Variants in PAK5 observed in about 807,000 individuals in gnomAD.
PAK5 encodes serine/threonine-protein kinase PAK 5.
Under a neutral mutation model 65.9 loss-of-function variants are expected in PAK5, and 16 were observed. That is an observed-to-expected ratio of 0.24 (90% CI 0.16 to 0.37). PAK5 has a LOEUF of 0.37. PAK5 is among the 10% of genes least tolerant of loss of function. The pLI, the probability that PAK5 is intolerant of heterozygous loss-of-function variation, is 1.00. For missense variants in PAK5, 785 were observed against 903.9 expected, an observed-to-expected ratio of 0.87 and a Z score of 1.69; for synonymous variants, 371 against 354.9, an observed-to-expected ratio of 1.05 and a Z score of -0.51.
intron 3 of PAK5, among the ~76,000 whole-genome samples, chr20:9,589,397 A>G (rs1409009941): frequency 6.6e-6 from 1 of 152,234 alleles, no homozygotes; most frequent in African/African-American, 2.4e-5. Context: ...TAATATCATT[A>G]GATATTTTCA....
chr20:9,809,335 ATT>A (rs3061945), intron 1 of PAK5, among the ~76,000 whole-genome samples: 5 of 135,300 alleles, frequency 3.7e-5, no homozygotes, highest in Admixed American at 7.5e-5. Flanking sequence ...GGCAATCCAA[ATT>A]TTTTTTTTTT....
intron 3 of PAK5, among the ~76,000 whole-genome samples, chr20:9,619,647 A>C (rs558951823): frequency 6.6e-6 from 1 of 152,214 alleles, no homozygotes; most frequent in South Asian, 2.1e-4. Context: ...CACATTTCCA[A>C]GTCTTGCCCT....
chr20:9,565,490 C>T (rs2045660604), intron 5 of PAK5, among the ~76,000 whole-genome samples: 1 of 152,106 alleles, frequency 6.6e-6, no homozygotes, highest in Non-Finnish European at 1.5e-5. Context: ...TATATACATA[C>T]TCATGTAGAT....
intron 2 of PAK5, among the ~76,000 whole-genome samples, chr20:9,663,313 G>C (rs956084851): frequency 4.6e-5 from 7 of 152,058 alleles, no homozygotes; most frequent in African/African-American, 1.7e-4. Flanking sequence ...ATAACATCGA[G>C]GAAGGAAATA....
At chr20:9,795,746 A>C (rs1023482073) in intron 1 of PAK5, among the ~76,000 whole-genome samples, 24 of 152,114 alleles carry the variant, frequency 1.6e-4, no homozygotes, top group African/African-American at 5.5e-4. Flanking sequence ...AAATAAAATA[A>C]ATTCTTGTCA....
chr20:9,579,999 A>C (rs2045948918), intron 4 of PAK5, 146 bp downstream of exon 4: 1 of 628,678 alleles, frequency 1.6e-6, no homozygotes, highest in Non-Finnish European at 2.7e-6. Flanking sequence ...GGGGCCTCAC[A>C]AGTGGAGATA....
At chr20:9,693,966 T>G (rs1454216816) in intron 2 of PAK5, among the ~76,000 whole-genome samples, 1 of 151,974 alleles carries the variant, frequency 6.6e-6, no homozygotes, top group Non-Finnish European at 1.5e-5. Flanking sequence ...TCATGGTCTA[T>G]AGAACCTGCC....
At chr20:9,649,655 A>G (rs902435958) in intron 2 of PAK5, among the ~76,000 whole-genome samples, 8 of 152,182 alleles carry the variant, frequency 5.3e-5, no homozygotes, top group Admixed American at 4.6e-4. Context: ...GAACAGGCAT[A>G]GGGAGTAGGG....
chr20:9,778,341 G>A (rs2048907048), intron 1 of PAK5, among the ~76,000 whole-genome samples: 1 of 152,130 alleles, frequency 6.6e-6, no homozygotes, highest in South Asian at 2.1e-4. Flanking sequence ...GGGCTCAAGT[G>A]ATTCTCTCAC....
intron 9 of PAK5, among the ~76,000 whole-genome samples, chr20:9,540,298 T>C (rs1424226751): frequency 1.3e-5 from 2 of 152,144 alleles, no homozygotes; most frequent in African/African-American, 2.4e-5. Context: ...CATTTACCCC[T>C]ATTTACTTTC....
At chr20:9,579,063 T>C (rs963362164) in intron 4 of PAK5, among the ~76,000 whole-genome samples, 2 of 152,190 alleles carry the variant, frequency 1.3e-5, no homozygotes, top group Non-Finnish European at 2.9e-5. Flanking sequence ...ATGAGGTTAA[T>C]GAGAAATAAG....
At chr20:9,656,028 G>A (rs1158470280) in intron 2 of PAK5, among the ~76,000 whole-genome samples, 4 of 152,110 alleles carry the variant, frequency 2.6e-5, no homozygotes, top group Admixed American at 1.3e-4. Context: ...GGCATTGGAG[G>A]TTAGGATTTC....
Position 9,779,209 on chromosome 20 carries a change from A to G in PAK5, c.-162+59553T>C, listed in dbSNP as rs191815495. Among the ~76,000 whole-genome samples the G allele has an allele frequency of 6.6e-5, 10 of 152,156 alleles. No individual in the cohort carries two copies. In the East Asian group the frequency reaches 1.9e-3, roughly 29 times the overall value. On this transcript the variant is annotated intron_variant, in intron 1 of 9. Coordinates refer to ENST00000353224, the MANE Select transcript of PAK5 (RefSeq NM_177990.4). ...AAAGGAAACCTCTTCTTTTTAGAGT[A>G]TTAAATATTTATTGACTATGTATCT...
chr20:9,827,389 T>A (rs888535972), intron 1 of PAK5, among the ~76,000 whole-genome samples: 1 of 152,204 alleles, frequency 6.6e-6, no homozygotes, highest in Non-Finnish European at 1.5e-5. Flanking sequence ...TTTTCACATT[T>A]GCATTCAAAT....
At chr20:9,720,957 T>C (rs75701335) in intron 1 of PAK5, among the ~76,000 whole-genome samples, 3,831 of 151,482 alleles carry the variant, frequency 0.025, 174 homozygotes, top group African/African-American at 0.088. Flanking sequence ...AACAGGAAAA[T>C]GAGGAGTAAC....
chr20:9,714,389 G>T (rs757933279), intron 1 of PAK5, among the ~76,000 whole-genome samples: 1 of 152,074 alleles, frequency 6.6e-6, no homozygotes. Flanking sequence ...GGTACAAAAG[G>T]TCCATACTTA....
intron 1 of PAK5, among the ~76,000 whole-genome samples, chr20:9,760,064 A>G (rs1293409309): frequency 1.3e-5 from 2 of 152,166 alleles, no homozygotes; most frequent in Non-Finnish European, 2.9e-5. Context: ...AAATTGAACC[A>G]TGTAGCTGTC....
chr20:9,777,738 A>G (rs2123690933), intron 1 of PAK5, among the ~76,000 whole-genome samples: 1 of 152,274 alleles, frequency 6.6e-6, no homozygotes, highest in South Asian at 2.1e-4. Context: ...GGAGAACAAA[A>G]CTAGTGGGGA....
intron 2 of PAK5, among the ~76,000 whole-genome samples, chr20:9,710,675 GA>G (rs1207523839): frequency 2.0e-5 from 3 of 151,408 alleles, no homozygotes; most frequent in Non-Finnish European, 4.4e-5. Context: ...TAATAAAGAA[GA>G]ATGGCCTTTA....
Sources: gnomAD v4.1 joint callset for allele counts (sites outside exome capture counted in the v4.1 genomes callset) on GRCh38, gnomAD v4.1.1 for gene constraint, MANE v1.5 for transcripts, NCBI Gene and HGNC (gene_info 2026-07-23, HGNC 2026-07-21) for gene names.